The following CYP39A1 variants were observed in gnomAD, a reference collection of about 807,000 sequenced individuals.
CYP39A1 encodes cytochrome P450 family 39 subfamily A member 1.
Under a neutral mutation model 58.1 loss-of-function variants are expected in CYP39A1, and 49 were observed. The ratio of observed to expected loss-of-function variants is 0.84; its 90% CI spans 0.67 to 1.07. The LOEUF is 1.07. Ranked by LOEUF, CYP39A1 falls within the 50% of genes least tolerant of loss-of-function variation. The probability of loss-of-function intolerance (pLI) is 0.00; values close to 1 mark genes in which losing one functional copy is unlikely to be tolerated. For missense variants in CYP39A1, 531 were observed against 539.4 expected (o/e 0.98, Z 0.16); for synonymous variants, 209 against 187.6 (o/e 1.11, Z -0.93).
intron 7 of CYP39A1, among the ~76,000 whole-genome samples, chr6:46,616,228 C>G (rs1347077183): frequency 2.3e-5 from 1 of 43,962 alleles, no homozygotes; most frequent in East Asian, 6.8e-4. Flanking sequence ...CCCTCCCTCC[C>G]TCCCTCCCTC....
At chr6:46,575,580 C>T (rs527313488) in intron 10 of CYP39A1, among the ~76,000 whole-genome samples, 1 of 152,326 alleles carries the variant, frequency 6.6e-6, no homozygotes, top group East Asian at 1.9e-4. Flanking sequence ...GATGTGCACT[C>T]ACTCATAGCA....
In CYP39A1 at chr6:46,639,671, A is replaced by G. The variant is rs769264547; in HGVS notation, c.314-3T>C. 1 of 1,607,112 alleles carries G rather than the reference A, an allele frequency of 6.2e-7. No individual in the cohort carries two copies. Among genetic ancestry groups the G allele is most frequent in the Admixed American group, 1.7e-5 (1 of 58,502 alleles). On this transcript the variant is annotated splice_region_variant and splice_polypyrimidine_tract_variant and intron_variant, in intron 2 of 11. Transcript: ENST00000275016. ...AAAGACATTCTTTGGAATTGATGCT[A>G]TGAACAAAGAAAACTATTTTCAAAA...
intron 2 of CYP39A1, among the ~76,000 whole-genome samples, 166 bp from the exon 3 acceptor site, chr6:46,639,834 A>G (rs7743278): frequency 0.033 from 5,055 of 152,266 alleles, 260 homozygotes; most frequent in African/African-American, 0.11. Flanking sequence ...CCTATTCTCG[A>G]CTGAGTGTGG....
chr6:46,561,461 G>A (rs992478461), intron 10 of CYP39A1, among the ~76,000 whole-genome samples: 7 of 152,082 alleles, frequency 4.6e-5, no homozygotes, highest in Non-Finnish European at 5.9e-5. Context: ...ACACTTGGCA[G>A]AGAGAAAATC....
intron 10 of CYP39A1, among the ~76,000 whole-genome samples, chr6:46,567,190 T>A (rs143573836): frequency 1.4e-4 from 21 of 152,234 alleles, no homozygotes; most frequent in African/African-American, 4.8e-4. Context: ...TTTCAATGAG[T>A]TCAAATTTTT....
intron 7 of CYP39A1, 39 bp downstream of exon 7, chr6:46,625,379 A>G: frequency 7.1e-7 from 1 of 1,404,330 alleles, no homozygotes; most frequent in South Asian, 1.3e-5. Context: ...ACAAACATGC[A>G]TTATTAGCTG....
intron 8 of CYP39A1, among the ~76,000 whole-genome samples, chr6:46,588,935 T>C (rs1000905719): frequency 2.0e-5 from 3 of 152,118 alleles, no homozygotes; most frequent in African/African-American, 7.2e-5. Context: ...CTCCCTATCA[T>C]CACCATGTTC....
At chr6:46,633,734 G>A (rs1041571868) in intron 5 of CYP39A1, among the ~76,000 whole-genome samples, 2 of 152,068 alleles carry the variant, frequency 1.3e-5, no homozygotes, top group Non-Finnish European at 2.9e-5. Flanking sequence ...GCATGTGCCT[G>A]TAGTCCCAGC....
chr6:46,551,350 T>C (rs1033532889), intron 11 of CYP39A1, among the ~76,000 whole-genome samples: 2 of 140,494 alleles, frequency 1.4e-5, no homozygotes, highest in Admixed American at 1.5e-4. Context: ...TAAGGTTCTA[T>C]GAACCCCAAA....
intron 10 of CYP39A1, among the ~76,000 whole-genome samples, chr6:46,567,926 G>T (rs914275284): frequency 6.6e-6 from 1 of 151,996 alleles, no homozygotes; most frequent in Non-Finnish European, 1.5e-5. Context: ...GTTGCCAGGT[G>T]GGACTTGCAG....
At chr6:46,552,099 T>C (rs995823248) in intron 11 of CYP39A1, among the ~76,000 whole-genome samples, 1 of 152,182 alleles carries the variant, frequency 6.6e-6, no homozygotes, top group Non-Finnish European at 1.5e-5. Flanking sequence ...AATCCTGTCT[T>C]AAGGAATTGG....
intron 10 of CYP39A1, among the ~76,000 whole-genome samples, chr6:46,559,874 A>C (rs534747800): frequency 7.6e-4 from 116 of 152,304 alleles, no homozygotes; most frequent in Non-Finnish European, 1.5e-3. Context: ...TCATTCATTC[A>C]TTCATTCGAT....
At chr6:46,599,622 C>G (rs947237131) in intron 7 of CYP39A1, among the ~76,000 whole-genome samples, 1 of 152,092 alleles carries the variant, frequency 6.6e-6, no homozygotes, top group Non-Finnish European at 1.5e-5. Flanking sequence ...TGAATGTACC[C>G]CAAGACTGCC....
At chr6:46,566,254 T>C (rs771560188) in intron 10 of CYP39A1, among the ~76,000 whole-genome samples, 4 of 152,188 alleles carry the variant, frequency 2.6e-5, no homozygotes, top group Non-Finnish European at 2.9e-5. Context: ...AGTTTGGCTA[T>C]CTCTTTTTAA....
chr6:46,650,428 C>A, intron 1 of CYP39A1, among the ~76,000 whole-genome samples: 1 of 117,568 alleles, frequency 8.5e-6, no homozygotes, highest in African/African-American at 3.3e-5. Flanking sequence ...CAAGAAAAGA[C>A]AAGAGTGAAC....
chr6:46,620,537 A>C (rs1774891782), intron 7 of CYP39A1, among the ~76,000 whole-genome samples: 1 of 152,188 alleles, frequency 6.6e-6, no homozygotes, highest in African/African-American at 2.4e-5. Flanking sequence ...TGAGTTGTTC[A>C]TAGTGGCTTT....
At chr6:46,613,173 G>A (rs572055864) in intron 7 of CYP39A1, among the ~76,000 whole-genome samples, 1 of 152,310 alleles carries the variant, frequency 6.6e-6, no homozygotes, top group East Asian at 1.9e-4. Context: ...TTGTATTTAT[G>A]AGAAGAGTCA....
At chr6:46,627,476 T>C (rs561003193) in intron 6 of CYP39A1, among the ~76,000 whole-genome samples, 2 of 151,912 alleles carry the variant, frequency 1.3e-5, no homozygotes, top group East Asian at 3.9e-4. Flanking sequence ...TGGAGTGCAG[T>C]GGCGCAATCT....
intron 7 of CYP39A1, among the ~76,000 whole-genome samples, chr6:46,618,875 T>C (rs946816899): frequency 8.5e-5 from 13 of 152,090 alleles, no homozygotes; most frequent in African/African-American, 2.9e-4. Flanking sequence ...GCCTGGAGCA[T>C]ACCTTTGACA....
Sources: gnomAD v4.1 joint callset for allele counts (sites outside exome capture counted in the v4.1 genomes callset) on GRCh38, gnomAD v4.1.1 for gene constraint, MANE v1.5 for transcripts, NCBI Gene and HGNC (gene_info 2026-07-23, HGNC 2026-07-21) for gene names.